The following ARHGAP24 variants were observed in gnomAD, a reference collection of about 807,000 sequenced individuals.
ARHGAP24 encodes Rho GTPase activating protein 24, also known as rho GTPase-activating protein 24.
A neutral mutation model predicts 76.4 loss-of-function variants in ARHGAP24; 50 were observed. That is an observed-to-expected ratio of 0.65 (90% CI 0.52 to 0.83). The LOEUF is 0.83. Ranked by LOEUF, ARHGAP24 falls within the 40% of genes least tolerant of loss-of-function variation. ARHGAP24 has a pLI of 0.00. For synonymous variants in ARHGAP24, 345 were observed against 323.3 expected (o/e 1.07, Z -0.72); for missense variants, 930 against 914.2 (o/e 1.02, Z -0.22).
At chr4:85,919,866 C>G (rs924536459) in intron 3 of ARHGAP24, among the ~76,000 whole-genome samples, 1 of 152,000 alleles carries the variant, frequency 6.6e-6, no homozygotes, top group Admixed American at 6.6e-5. Context: ...ATTTTGGGCC[C>G]GATACTGTGG....
At chr4:85,880,986 G>A (rs1289502883) in intron 3 of ARHGAP24, among the ~76,000 whole-genome samples, 2 of 152,074 alleles carry the variant, frequency 1.3e-5, no homozygotes, top group Admixed American at 1.3e-4. Flanking sequence ...GAGTGTTCAC[G>A]TATTCACCTA....
chr4:85,818,643 C>T (rs1005827205), intron 3 of ARHGAP24, among the ~76,000 whole-genome samples: 3 of 152,162 alleles, frequency 2.0e-5, no homozygotes, highest in Non-Finnish European at 4.4e-5. Flanking sequence ...TTAAATGCGT[C>T]CCTCTGCTCC....
chr4:85,935,492 C>T (rs950593940), intron 4 of ARHGAP24, among the ~76,000 whole-genome samples: 1 of 152,118 alleles, frequency 6.6e-6, no homozygotes, highest in Admixed American at 6.6e-5. Context: ...ACATTTTCTC[C>T]CATGTGATAC....
intron 3 of ARHGAP24, among the ~76,000 whole-genome samples, chr4:85,891,287 C>A (rs548437797): frequency 1.0e-3 from 152 of 150,416 alleles, no homozygotes; most frequent in African/African-American, 3.5e-3. Context: ...TCTAGATAAA[C>A]AATCATGTCG....
rs768287557 is a variant in ARHGAP24, at chr4:85,942,098, C to T, written c.424C>T (p.Arg142Cys). ...TGGACAGAAACTGGAGGATACTGTT[C>T]GTTATGAGAAGAGATATGGGAACCG... The part of the protein sequence containing the change: ...IFGQKLEDTV[R>C]YEKRYGNRLA... Residue 142 changes from arginine to cysteine, a missense_variant, in exon 5 of 10, where the codon CGT becomes TGT. Transcript: ENST00000395184. The T allele has an allele frequency of 2.5e-6, 4 of 1,613,392 alleles. No homozygotes were observed. Among genetic ancestry groups the T allele is most frequent in the Admixed American group, 1.7e-5 (1 of 59,906 alleles).
chr4:85,574,826 A>G (rs1408429258), intron 2 of ARHGAP24, among the ~76,000 whole-genome samples: 1 of 152,236 alleles, frequency 6.6e-6, no homozygotes, highest in African/African-American at 2.4e-5. Flanking sequence ...GTACTTAAAT[A>G]TTGGAACTTA....
At chr4:85,885,169 T>A (rs1733487770) in intron 3 of ARHGAP24, among the ~76,000 whole-genome samples, 1 of 152,130 alleles carries the variant, frequency 6.6e-6, no homozygotes, top group Non-Finnish European at 1.5e-5. Flanking sequence ...TTGGTACATA[T>A]TAGATTCATT....
intron 4 of ARHGAP24, among the ~76,000 whole-genome samples, chr4:85,929,571 G>A (rs1248807216): frequency 6.6e-6 from 1 of 152,192 alleles, no homozygotes. Flanking sequence ...GAAAGTACGG[G>A]CAAGAGCATG....
chr4:85,996,499 A>C (rs1254553873), intron 9 of ARHGAP24, among the ~76,000 whole-genome samples: 1 of 152,198 alleles, frequency 6.6e-6, no homozygotes, highest in Non-Finnish European at 1.5e-5. Flanking sequence ...TAGGATCCTC[A>C]GTTGGTTGTT....
chr4:85,899,711 C>A (rs1336807958), intron 3 of ARHGAP24, among the ~76,000 whole-genome samples: 3 of 152,132 alleles, frequency 2.0e-5, no homozygotes, highest in Non-Finnish European at 4.4e-5. Context: ...CCCCAAACAA[C>A]CTTGAACTTC....
intron 2 of ARHGAP24, among the ~76,000 whole-genome samples, chr4:85,713,159 G>A (rs138074716): frequency 0.011 from 1,614 of 152,100 alleles, 27 homozygotes; most frequent in African/African-American, 0.037. Flanking sequence ...TTAGCCAGGC[G>A]TGGTGGCATG....
At chr4:85,738,860 T>G (rs1462043876) in intron 3 of ARHGAP24, among the ~76,000 whole-genome samples, 2 of 152,334 alleles carry the variant, frequency 1.3e-5, no homozygotes, top group East Asian at 3.9e-4. Flanking sequence ...TTTTAAAGGA[T>G]GAGTTTTTCT....
At chr4:85,556,686 G>A (rs1726388087) in intron 1 of ARHGAP24, among the ~76,000 whole-genome samples, 1 of 152,142 alleles carries the variant, frequency 6.6e-6, no homozygotes, top group African/African-American at 2.4e-5. Flanking sequence ...TAGGGGAGGT[G>A]GGGACGCATG....
intron 3 of ARHGAP24, among the ~76,000 whole-genome samples, chr4:85,870,381 A>G (rs1056842282): frequency 5.3e-5 from 8 of 152,186 alleles, no homozygotes; most frequent in Non-Finnish European, 1.0e-4. Flanking sequence ...ATGGCTGTAA[A>G]GCAGATGAAC....
intron 3 of ARHGAP24, among the ~76,000 whole-genome samples, chr4:85,843,576 G>T (rs553296691): frequency 2.2e-3 from 333 of 151,996 alleles, no homozygotes; most frequent in Non-Finnish European, 4.1e-3. Context: ...TAGAAAGTTT[G>T]CTTATCCAAA....
At chr4:85,560,113 A>C (rs920486469) in intron 1 of ARHGAP24, among the ~76,000 whole-genome samples, 9 of 152,150 alleles carry the variant, frequency 5.9e-5, no homozygotes, top group African/African-American at 2.2e-4. Flanking sequence ...AATCCCAATC[A>C]ATGGTAAAGT....
At chr4:85,889,855 T>C (rs1435494371) in intron 3 of ARHGAP24, among the ~76,000 whole-genome samples, 1 of 152,190 alleles carries the variant, frequency 6.6e-6, no homozygotes, top group East Asian at 1.9e-4. Flanking sequence ...ACGCCTTATC[T>C]ATACATAAAT....
In ARHGAP24 at chr4:85,633,194, A is replaced by AT. The variant is rs534117737; in HGVS notation, c.180+62480dup. Among the ~76,000 whole-genome samples the AT allele has an allele frequency of 9.2e-5, 14 of 151,752 alleles. No homozygotes were observed. The South Asian group carries it at 1.0e-3, about 11-fold the overall frequency. On this transcript the variant is annotated intron_variant, in intron 2 of 9. Transcript: ENST00000395184. The stretch of plus-strand genomic sequence containing the variant: ...TCCTTTGCTTTTCTCACTAGCTGGC[A>AT]TTTTTTTGGCTGTCTCTCTGACTCT...
At chr4:85,685,779 C>T (rs1723400402) in intron 2 of ARHGAP24, among the ~76,000 whole-genome samples, 1 of 152,216 alleles carries the variant, frequency 6.6e-6, no homozygotes, top group Admixed American at 6.5e-5. Context: ...CGTATCAGTG[C>T]ATAGCAAACT....
Sources: gnomAD v4.1 joint callset for allele counts (sites outside exome capture counted in the v4.1 genomes callset) on GRCh38, gnomAD v4.1.1 for gene constraint, MANE v1.5 for transcripts, NCBI Gene and HGNC (gene_info 2026-07-23, HGNC 2026-07-21) for gene names.